Variants in NAALADL2 observed in about 807,000 individuals in gnomAD.
NAALADL2 encodes inactive N-acetylated-alpha-linked acidic dipeptidase-like protein 2.
Under a neutral mutation model 87.2 loss-of-function variants are expected in NAALADL2, and 76 were observed. The ratio of observed to expected loss-of-function variants is 0.87; its 90% CI spans 0.72 to 1.05. NAALADL2 has a LOEUF of 1.05. Ranked by LOEUF, NAALADL2 falls within the 50% of genes least tolerant of loss-of-function variation. The pLI is 0.00. For synonymous variants in NAALADL2, 354 were observed against 331.0 expected (o/e 1.07, Z -0.75); for missense variants, 1,089 against 945.8 (o/e 1.15, Z -1.99).
In NAALADL2 at chr3:175,585,230, G is replaced by A. The variant is rs9810283; in HGVS notation, c.1800+9043G>A. 6.5e-3 allele frequency among the ~76,000 whole-genome samples: 984 copies of A among 152,034 alleles called. 35 individuals are homozygous for A. Among genetic ancestry groups the A allele is most frequent in the Admixed American group, 0.057 (869 of 15,266 alleles). The stretch of plus-strand genomic sequence containing the variant: ...ACTAACCGAGGCCTCCACAGCATTA[G>A]GATCTTCAAGACCTCATTAGGCAAC... On this transcript the variant is annotated intron_variant, in intron 10 of 13. Coordinates refer to ENST00000454872, the MANE Select transcript of NAALADL2 (RefSeq NM_207015.3).
At chr3:175,429,809 T>A (rs563508884) in intron 5 of NAALADL2, among the ~76,000 whole-genome samples, 218 of 151,894 alleles carry the variant, frequency 1.4e-3, no homozygotes, top group Admixed American at 2.4e-3. Context: ...AATAAAGAGG[T>A]CTTTAAGCCT....
chr3:174,686,392 T>C (rs1728042760), intron 2 of NAALADL2, among the ~76,000 whole-genome samples: 1 of 152,172 alleles, frequency 6.6e-6, no homozygotes, highest in Non-Finnish European at 1.5e-5. Context: ...GACTTTGTAA[T>C]AGCCATTCTG....
intron 3 of NAALADL2, among the ~76,000 whole-genome samples, chr3:174,778,603 TG>T (rs1715532020): frequency 6.6e-6 from 1 of 152,056 alleles, no homozygotes; most frequent in Non-Finnish European, 1.5e-5. Flanking sequence ...ACATTGTGTA[TG>T]TCTCCTAATG....
intron 5 of NAALADL2, among the ~76,000 whole-genome samples, chr3:175,358,229 T>G (rs1764599195): frequency 6.6e-6 from 1 of 152,198 alleles, no homozygotes; most frequent in Admixed American, 6.5e-5. Context: ...TACAGGTTTT[T>G]TTTCCTAATT....
intron 1 of NAALADL2, among the ~76,000 whole-genome samples, chr3:174,881,858 A>G (rs1039529490): frequency 6.6e-6 from 1 of 152,154 alleles, no homozygotes; most frequent in East Asian, 1.9e-4. Context: ...AGAGAGATAT[A>G]TGGAGAAATG....
intron 1 of NAALADL2, among the ~76,000 whole-genome samples, chr3:174,884,805 T>C (rs772760301): frequency 6.6e-6 from 1 of 152,168 alleles, no homozygotes; most frequent in Non-Finnish European, 1.5e-5. Context: ...TTTTCGAGTA[T>C]AGCACACCTC....
At chr3:175,318,903 C>T (rs1279435836) in intron 4 of NAALADL2, among the ~76,000 whole-genome samples, 1 of 152,146 alleles carries the variant, frequency 6.6e-6, no homozygotes, top group African/African-American at 2.4e-5. Flanking sequence ...TTTTAGTCTG[C>T]CTTCTTTCAT....
intron 5 of NAALADL2, among the ~76,000 whole-genome samples, chr3:175,347,698 A>G (rs1328134878): frequency 6.6e-6 from 1 of 152,196 alleles, no homozygotes; most frequent in East Asian, 1.9e-4. Context: ...CACAGAACAA[A>G]CACAGCAAGA....
chr3:174,681,807 C>T (rs912247660), intron 2 of NAALADL2, among the ~76,000 whole-genome samples: 1 of 152,138 alleles, frequency 6.6e-6, no homozygotes, highest in African/African-American at 2.4e-5. Context: ...CCAGCTTGGC[C>T]ACGGTGGGGT....
intron 9 of NAALADL2, among the ~76,000 whole-genome samples, chr3:175,476,130 A>G (rs952803921): frequency 6.6e-6 from 1 of 152,148 alleles, no homozygotes; most frequent in African/African-American, 2.4e-5. Flanking sequence ...TTTTTTATAT[A>G]CAAAGCACCA....
intron 1 of NAALADL2, among the ~76,000 whole-genome samples, chr3:174,870,675 T>C (rs1025067880): frequency 6.6e-5 from 10 of 152,102 alleles, no homozygotes; most frequent in Admixed American, 1.3e-4. Flanking sequence ...CTGAATCAAT[T>C]GTTTCTTGAC....
intron 2 of NAALADL2, among the ~76,000 whole-genome samples, chr3:174,686,045 A>T (rs1560143987): frequency 6.6e-6 from 1 of 151,996 alleles, no homozygotes; most frequent in Admixed American, 6.6e-5. Context: ...TATATGTGCC[A>T]TATTTTCTTT....
intron 1 of NAALADL2, among the ~76,000 whole-genome samples, chr3:175,015,191 A>G (rs1750653549): frequency 6.6e-6 from 1 of 152,116 alleles, no homozygotes; most frequent in Admixed American, 6.6e-5. Context: ...GCATTTGGTG[A>G]ACTTAACACT....
chr3:175,484,103 A>G (rs1726905255), intron 9 of NAALADL2, among the ~76,000 whole-genome samples: 1 of 152,150 alleles, frequency 6.6e-6, no homozygotes, highest in Non-Finnish European at 1.5e-5. Flanking sequence ...AACCATACAG[A>G]TAAATACCAT....
chr3:175,545,868 A>G (rs1025307184), intron 9 of NAALADL2, among the ~76,000 whole-genome samples: 1 of 152,144 alleles, frequency 6.6e-6, no homozygotes, highest in African/African-American at 2.4e-5. Flanking sequence ...CCATATCACC[A>G]TAGATCTATT....
In NAALADL2 at chr3:175,544,519, C is replaced by T. The variant is rs557900928; in HGVS notation, c.1654-31522C>T. Among the ~76,000 whole-genome samples the T allele has an allele frequency of 1.2e-4, 18 of 152,172 alleles. 1 individual carries two copies. In the South Asian group the frequency reaches 2.5e-3, roughly 21 times the overall value. On this transcript the variant is annotated intron_variant, in intron 9 of 13. Transcript: ENST00000454872. ...TGAAATTTTTCGTATCTTCTTTTTCCACCACAACTAAACTAAGCTGTTGAA... is the reference window on the plus strand; with the variant it reads ...TGAAATTTTTCGTATCTTCTTTTTCTACCACAACTAAACTAAGCTGTTGAA...
At chr3:175,328,823 CAG>C (rs1385733102) in intron 5 of NAALADL2, among the ~76,000 whole-genome samples, 1 of 151,940 alleles carries the variant, frequency 6.6e-6, no homozygotes, top group Non-Finnish European at 1.5e-5. Flanking sequence ...CCAAAACAAA[CAG>C]AAAATCAGAA....
At chr3:175,592,801 A>T (rs964542423) in intron 10 of NAALADL2, among the ~76,000 whole-genome samples, 4 of 151,554 alleles carry the variant, frequency 2.6e-5, no homozygotes, top group Non-Finnish European at 4.4e-5. Context: ...ATGACGAGTT[A>T]TTGGGTGCAG....
chr3:174,650,632 T>C (rs981156279), intron 2 of NAALADL2, among the ~76,000 whole-genome samples: 14 of 152,260 alleles, frequency 9.2e-5, no homozygotes, highest in African/African-American at 3.1e-4. Context: ...CGGTCGTAAT[T>C]GTTAACTTGC....
Sources: allele counts gnomAD v4.1 joint callset (sites outside exome capture counted in the v4.1 genomes callset), GRCh38; gene constraint gnomAD v4.1.1; transcripts MANE v1.5; gene names NCBI Gene and HGNC (gene_info 2026-07-23, HGNC 2026-07-21).